KAT6A: variants seen among roughly 807,000 people sequenced by gnomAD.
KAT6A encodes the protein lysine acetyltransferase 6A, also known as histone acetyltransferase KAT6A.
A neutral mutation model predicts 198.4 loss-of-function variants in KAT6A; 9 were observed. The observed-to-expected ratio is 0.05, with a 90% CI of 0.03 to 0.08. The LOEUF (loss-of-function observed/expected upper bound fraction) is 0.08, where lower values mean the gene tolerates loss of function less well. KAT6A is among the 10% of genes least tolerant of loss of function. The pLI is 1.00. For missense variants in KAT6A, 2,077 were observed against 2,509.9 expected (o/e 0.83, Z 3.69); for synonymous variants, 890 against 883.0 (o/e 1.01, Z -0.14).
intron 2 of KAT6A, among the ~76,000 whole-genome samples, chr8:42,024,907 T>C (rs1179873657): frequency 2.0e-5 from 3 of 152,216 alleles, no homozygotes; most frequent in Non-Finnish European, 4.4e-5. Context: ...GCAATAAATA[T>C]GGGGGTATAA....
At chr8:42,009,217 G>T (rs1397170177) in intron 2 of KAT6A, among the ~76,000 whole-genome samples, 4 of 152,096 alleles carry the variant, frequency 2.6e-5, no homozygotes, top group African/African-American at 9.7e-5. Flanking sequence ...ACCATAAAAT[G>T]GGGATAACAG....
chr8:41,959,684 G>C (rs1175490872), intron 8 of KAT6A, among the ~76,000 whole-genome samples: 1 of 152,118 alleles, frequency 6.6e-6, no homozygotes, highest in Non-Finnish European at 1.5e-5. Flanking sequence ...ATGGTTGGGC[G>C]CTGGTGGCTC....
chr8:41,995,789 C>CCT (rs1825174732), intron 2 of KAT6A, among the ~76,000 whole-genome samples: 1 of 151,194 alleles, frequency 6.6e-6, no homozygotes, highest in Admixed American at 6.6e-5. Flanking sequence ...GATTCTCTTG[C>CCT]CTCAGCCTCT....
intron 10 of KAT6A, among the ~76,000 whole-genome samples, chr8:41,948,602 C>CAGTGTCTAACAGATACTGTCTGCA (rs1822511278): frequency 6.6e-6 from 1 of 152,088 alleles, no homozygotes; most frequent in African/African-American, 2.4e-5. Flanking sequence ...ACACTGTCTG[C>CAGTGTCTAACAGATACTGTCTGCA]GATACTAACA....
Position 41,934,696 on chromosome 8 carries a change from A to G in KAT6A, c.3524T>C (p.Leu1175Ser). Residue 1175 changes from leucine to serine, a missense_variant, in exon 17 of 17, where the codon TTG becomes TCG. Physicochemically the swap from Leu to Ser is moderately radical, Grantham distance 145. Coordinates refer to ENST00000265713, the MANE Select transcript of KAT6A (RefSeq NM_006766.5). ...KRPGRKPGFK[L>S]SREIMPVSTQ... Reference sequence around the variant, plus strand: ...AGAAACTGGCATGATTTCCCGACTCAACTTAAATCCTGGTTTTCGACCAGG... The same window carrying G: ...AGAAACTGGCATGATTTCCCGACTCGACTTAAATCCTGGTTTTCGACCAGG... 1 of 1,614,166 alleles carries G rather than the reference A, an allele frequency of 6.2e-7. No individual in the cohort carries two copies. The highest frequency in any genetic ancestry group is 8.5e-7 in the Non-Finnish European group (1 of 1,180,026).
At chr8:42,034,594 A>G (rs1461443954) in intron 2 of KAT6A, among the ~76,000 whole-genome samples, 1 of 152,196 alleles carries the variant, frequency 6.6e-6, no homozygotes, top group African/African-American at 2.4e-5. Flanking sequence ...ATTTCTAAGG[A>G]CTTTACATAT....
At chr8:42,014,842 T>C (rs1207491730) in intron 2 of KAT6A, among the ~76,000 whole-genome samples, 1 of 152,180 alleles carries the variant, frequency 6.6e-6, no homozygotes, top group Middle Eastern at 3.2e-3. Context: ...CTTCGGTACA[T>C]GCAGTTATTA....
chr8:41,929,806 G>T lies in KAT6A; in HGVS notation c.*2399C>A, dbSNP rs1056793829. ...CACACGCTAGAGATCTCTTTAAAGAGAATTTATCTTTCTTAAAATAGTTTT... is the reference window on the plus strand; with the variant it reads ...CACACGCTAGAGATCTCTTTAAAGATAATTTATCTTTCTTAAAATAGTTTT... On this transcript the variant is annotated 3_prime_UTR_variant, in exon 17 of 17. Coordinates refer to ENST00000265713, the MANE Select transcript of KAT6A (RefSeq NM_006766.5). 2 of 195,670 alleles carry T rather than the reference G, an allele frequency of 1.0e-5. No homozygotes were observed. Among genetic ancestry groups the T allele is most frequent in the South Asian group, 1.9e-4 (1 of 5,214 alleles). The allele number at this position is 195,670 out of a possible 1,614,324, so 12.1% of individuals were successfully genotyped here.
At chr8:42,000,179 C>A (rs1194562717) in intron 2 of KAT6A, among the ~76,000 whole-genome samples, 2 of 152,130 alleles carry the variant, frequency 1.3e-5, no homozygotes, top group African/African-American at 4.8e-5. Flanking sequence ...CTGCATATTA[C>A]CCACTTAAAA....
chr8:41,957,610 T>G (rs754154323), intron 8 of KAT6A: 4 of 223,794 alleles, frequency 1.8e-5, no homozygotes, highest in Non-Finnish European at 3.6e-5. Flanking sequence ...AATTTAAATA[T>G]GCCAAATTAT....
At position 41,955,255 on chromosome 8, in the gene KAT6A, T is replaced by C. The variant is rs765293393; in HGVS notation, c.1598+41A>G. ...GATCCCTTCCAGTTCCAGACTTCTA[T>C]GGATCTCAAAACAGAAGGTCAAGGG... On this transcript the variant is annotated intron_variant, in intron 9 of 16. Coordinates refer to ENST00000265713, the MANE Select transcript of KAT6A (RefSeq NM_006766.5). 15 of 1,211,116 alleles carry C rather than the reference T, an allele frequency of 1.2e-5. No individual in the cohort carries two copies. In the East Asian group the frequency reaches 2.6e-4, roughly 21 times the overall value. 75.0% of individuals were successfully genotyped at this position (1,211,116 alleles called of 1,614,324 possible). A position where few individuals can be genotyped will look rare whatever the true frequency, so the allele number is the denominator to read the frequency against.
intron 2 of KAT6A, among the ~76,000 whole-genome samples, chr8:41,993,877 T>C (rs1343291694): frequency 6.6e-6 from 1 of 152,196 alleles, no homozygotes; most frequent in South Asian, 2.1e-4. Context: ...TTAATGAGCA[T>C]GAAAACCAGT....
intron 2 of KAT6A, among the ~76,000 whole-genome samples, chr8:42,003,714 C>T (rs752447283): frequency 5.3e-5 from 8 of 152,052 alleles, no homozygotes; most frequent in Non-Finnish European, 8.8e-5. Context: ...GCCCTAATTC[C>T]TCAATGTGAC....
chr8:42,041,502 G>A (rs1019432037), intron 2 of KAT6A, among the ~76,000 whole-genome samples: 8 of 152,080 alleles, frequency 5.3e-5, no homozygotes, highest in Non-Finnish European at 8.8e-5. Context: ...TTTGGGAGGC[G>A]GAGGTGGGCG....
intron 2 of KAT6A, among the ~76,000 whole-genome samples, chr8:42,008,351 T>G (rs1825848880): frequency 6.6e-6 from 1 of 152,134 alleles, no homozygotes; most frequent in South Asian, 2.1e-4. Context: ...ATATTTTCTT[T>G]TTTTGAGACA....
chr8:42,044,962 A>G (rs1827841166), intron 2 of KAT6A, among the ~76,000 whole-genome samples: 1 of 152,224 alleles, frequency 6.6e-6, no homozygotes, highest in Non-Finnish European at 1.5e-5. Context: ...GCGTAGTTCG[A>G]AGGAGAGGAA....
chr8:42,040,452 G>A (rs1055132453), intron 2 of KAT6A, among the ~76,000 whole-genome samples: 4 of 152,096 alleles, frequency 2.6e-5, no homozygotes, highest in Non-Finnish European at 4.4e-5. Flanking sequence ...AAAAATTGGT[G>A]GCTGGGCATG....
intron 2 of KAT6A, among the ~76,000 whole-genome samples, chr8:41,998,310 G>GT (rs1423837319): frequency 6.6e-6 from 1 of 152,116 alleles, no homozygotes; most frequent in Non-Finnish European, 1.5e-5. Flanking sequence ...TATCATAAGA[G>GT]TAACAAACTG....
chr8:42,010,624 C>T (rs1173254848), intron 2 of KAT6A, among the ~76,000 whole-genome samples: 1 of 152,152 alleles, frequency 6.6e-6, no homozygotes, highest in Non-Finnish European at 1.5e-5. Context: ...TTATCACCTC[C>T]CCATCACTGG....
Sources: allele counts gnomAD v4.1 joint callset (sites outside exome capture counted in the v4.1 genomes callset), GRCh38; gene constraint gnomAD v4.1.1; transcripts MANE v1.5; gene names NCBI Gene and HGNC (gene_info 2026-07-23, HGNC 2026-07-21).